SRRM1: variants seen among roughly 807,000 people sequenced by gnomAD.
SRRM1 encodes the protein serine/arginine repetitive matrix protein 1.
A neutral mutation model predicts 110.2 loss-of-function variants in SRRM1; 19 were observed. The ratio of observed to expected loss-of-function variants is 0.17; its 90% CI spans 0.12 to 0.25. The LOEUF (loss-of-function observed/expected upper bound fraction) is 0.25, where lower values mean the gene tolerates loss of function less well. Among genes scored for constraint, SRRM1 ranks in the 10% least tolerant of loss-of-function variants. The pLI is 1.00. For synonymous variants in SRRM1, 443 were observed against 414.9 expected (o/e 1.07, Z -0.82); for missense variants, 918 against 1,145.8 (o/e 0.80, Z 2.87).
At position 24,653,003 on chromosome 1, in the gene SRRM1, G is replaced by T; in HGVS notation, c.1011G>T (p.Arg337Ser). The change falls in exon 8 of 17, where the codon AGG becomes AGT. Residue 337 changes from arginine (R) to serine (S), a missense_variant. Around this residue, in one of 5 missense-constraint regions of SRRM1, gnomAD observed 456 missense variants for 453.5 expected, o/e 1.01. Transcript: ENST00000323848. ...CAAGAAGAATGCCTCCTCCACCAAGGCATAGAAGGAGTAGATCTCCAGTAA... is the reference window on the plus strand; with the variant it reads ...CAAGAAGAATGCCTCCTCCACCAAGTCATAGAAGGAGTAGATCTCCAGTAA... ...TPPRRMPPPP[R>S]HRRSRSPVRR... 6.2e-7 allele frequency: 1 copy of T among 1,613,746 alleles called. No individual in the cohort carries two copies. The highest frequency in any genetic ancestry group is 8.5e-7 in the Non-Finnish European group (1 of 1,179,802).
intron 8 of SRRM1, among the ~76,000 whole-genome samples, chr1:24,653,653 A>G (rs781673090): frequency 3.3e-5 from 5 of 152,194 alleles, no homozygotes; most frequent in Non-Finnish European, 7.3e-5. Context: ...ACATCATTCT[A>G]AAATGAGCAT....
intron 12 of SRRM1, among the ~76,000 whole-genome samples, chr1:24,663,960 TA>T (rs750188386): frequency 5.0e-4 from 74 of 148,492 alleles, no homozygotes; most frequent in Non-Finnish European, 9.7e-4. Flanking sequence ...GTCTTTCCAG[TA>T]CTAGAAAGGT....
intron 12 of SRRM1, among the ~76,000 whole-genome samples, chr1:24,663,878 AAAT>A (rs10555916): frequency 0.45 from 63,186 of 141,238 alleles, 14,613 homozygotes; most frequent in East Asian, 0.52. Flanking sequence ...TCCCTCTCAA[AAAT>A]AATAATAATA....
At chr1:24,661,031 G>A in intron 10 of SRRM1, 2 of 533,892 alleles carry the variant, frequency 3.7e-6, no homozygotes, top group South Asian at 6.0e-5. Flanking sequence ...TCCGAAATAG[G>A]GACAGTAGAG....
rs917982684 is a variant in SRRM1, at chr1:24,650,031, A to G, written c.466A>G (p.Lys156Glu). ...AGATGAAGACAAAGATAAAAGAGATAAGGAAGAAAAAGAAAGCAGCAGAGA... is the reference window on the plus strand; with the variant it reads ...AGATGAAGACAAAGATAAAAGAGATGAGGAAGAAAAAGAAAGCAGCAGAGA... Reference protein sequence around the residue: ...KQDEDKDKRDKEEKESSREKR... With the variant: ...KQDEDKDKRDEEEKESSREKR... Residue 156 changes from lysine (K) to glutamate (E), a missense_variant, in exon 5 of 17, where the codon AAG becomes GAG. Lys to Glu is a moderately conservative substitution (Grantham distance 56). Coordinates refer to ENST00000323848, the MANE Select transcript of SRRM1 (RefSeq NM_005839.4). The G allele has an allele frequency of 2.5e-6, 4 of 1,598,000 alleles. No individual in the cohort carries two copies. The highest frequency in any genetic ancestry group is 3.4e-6 in the Non-Finnish European group (4 of 1,171,960).
At chr1:24,663,837 A>G (rs1178970921) in intron 12 of SRRM1, among the ~76,000 whole-genome samples, 1 of 150,752 alleles carries the variant, frequency 6.6e-6, no homozygotes, top group Non-Finnish European at 1.5e-5. Context: ...AGATCACGCC[A>G]CTGTACTCCA....
intron 9 of SRRM1, among the ~76,000 whole-genome samples, chr1:24,658,295 C>T (rs1665343134): frequency 6.7e-6 from 1 of 150,210 alleles, no homozygotes; most frequent in Non-Finnish European, 1.5e-5. Flanking sequence ...ACTGCAACCT[C>T]TGCCTCCCAG....
Position 24,651,590 on chromosome 1 carries a change from G to C in SRRM1, c.703G>C (p.Val235Leu). The change falls in exon 6 of 17, where the codon GTA becomes CTA. Residue 235 changes from valine (V) to leucine (L), a missense_variant. Physicochemically the swap from Val to Leu is conservative, Grantham distance 32. Transcript: ENST00000323848. ...EPSVKVKEPS[V>L]QEATSTSDIL... ...TTCAGTGAAAGTAAAAGAACCTTCA[G>C]TACAAGAGGCTACTTCTACTAGGCA... 1.9e-6 allele frequency: 3 copies of C among 1,611,670 alleles called. No individual in the cohort carries two copies. The highest frequency in any genetic ancestry group is 2.5e-6 in the Non-Finnish European group (3 of 1,179,494).
In SRRM1 at chr1:24,660,708, T is replaced by C. The variant is rs750444658; in HGVS notation, c.1316-11T>C. On this transcript the variant is annotated splice_polypyrimidine_tract_variant and intron_variant, in intron 9 of 16. Coordinates refer to ENST00000323848, the MANE Select transcript of SRRM1 (RefSeq NM_005839.4). Reference sequence around the variant, plus strand: ...GTACGTAAGCTTTTTTCCACTCTTATTCTTTTTTAGTGACAAAACATAAAG... The same window carrying C: ...GTACGTAAGCTTTTTTCCACTCTTACTCTTTTTTAGTGACAAAACATAAAG... 4.5e-5 allele frequency: 68 copies of C among 1,520,622 alleles called. No individual in the cohort carries two copies. Among genetic ancestry groups the C allele is most frequent in the Non-Finnish European group, 5.7e-5 (64 of 1,129,156 alleles). The allele number at this position is 1,520,622 out of a possible 1,614,324, so 94.2% of individuals were successfully genotyped here. A position where few individuals can be genotyped will look rare whatever the true frequency, so the allele number is the denominator to read the frequency against.
chr1:24,663,009 A>G (rs563016421), intron 12 of SRRM1: 2 of 942,202 alleles, frequency 2.1e-6, no homozygotes, highest in South Asian at 1.9e-5. Context: ...TAAATTTTAA[A>G]CCACCATGTC....
intron 11 of SRRM1, among the ~76,000 whole-genome samples, chr1:24,661,769 A>G (rs754773390): frequency 6.6e-6 from 1 of 152,208 alleles, no homozygotes; most frequent in East Asian, 1.9e-4. Flanking sequence ...TTTTTAACTT[A>G]ACAGTATATT....
chr1:24,643,557 C>G, intron 1 of SRRM1: 3 of 436,022 alleles, frequency 6.9e-6, no homozygotes, highest in East Asian at 3.6e-5. Context: ...ATGGTCCCCC[C>G]TACGCGGCGG....
At chr1:24,661,606 T>C (rs573151438) in intron 11 of SRRM1, among the ~76,000 whole-genome samples, 5 of 152,294 alleles carry the variant, frequency 3.3e-5, no homozygotes, top group South Asian at 4.1e-4. Flanking sequence ...GTCCCTAGGA[T>C]ACAATAGTGA....
At chr1:24,647,749 T>C (rs1658403552) in intron 3 of SRRM1, 2 of 152,776 alleles carry the variant, frequency 1.3e-5, no homozygotes, top group South Asian at 4.1e-4. Flanking sequence ...TTGTTTTGAA[T>C]ATTTTTAAAG....
chr1:24,645,394 A>T (rs1430684278), intron 1 of SRRM1, among the ~76,000 whole-genome samples: 2 of 152,222 alleles, frequency 1.3e-5, no homozygotes, highest in African/African-American at 4.8e-5. Flanking sequence ...ATAATTAGTG[A>T]TCACTCGATG....
chr1:24,652,029 A>AAAATATAT (rs1387655792), intron 6 of SRRM1, among the ~76,000 whole-genome samples: 14 of 79,864 alleles, frequency 1.8e-4, no homozygotes, highest in African/African-American at 5.1e-4. Flanking sequence ...CTGTACTAAA[A>AAAATATAT]ATATATATAT....
In SRRM1 at chr1:24,643,335, G is replaced by C; in HGVS notation, c.9G>C (p.Ala3=). 6.4e-7 allele frequency: 1 copy of C among 1,555,528 alleles called. No homozygotes were observed. The highest frequency in any genetic ancestry group is 8.6e-7 in the Non-Finnish European group (1 of 1,156,092). The change falls in exon 1 of 17, where the codon GCG becomes GCC. Residue 3 remains alanine (A), a synonymous_variant. Coordinates refer to ENST00000323848, the MANE Select transcript of SRRM1 (RefSeq NM_005839.4). The stretch of plus-strand genomic sequence containing the variant: ...CCGAGCGAGGCGGCAAGATGGACGC[G>C]GGATTTTTCCGCGTAAGTAGAAGCG... MD[A]GFFRGTSAEQ...
chr1:24,651,646 C>T lies in SRRM1; in HGVS notation c.725+34C>T, dbSNP rs369694747. ...ATAAAAATTCATTTATAAATAATCA[C>T]AATTTTAGATTAATAGTGACTGCAA... is the stretch of plus-strand genomic sequence containing the variant. On this transcript the variant is annotated intron_variant, in intron 6 of 16. Coordinates refer to ENST00000323848, the MANE Select transcript of SRRM1 (RefSeq NM_005839.4). 43 of 1,494,110 alleles carry T rather than the reference C, an allele frequency of 2.9e-5. No individual in the cohort carries two copies. The African/African-American group carries it at 5.2e-4, about 18-fold the overall frequency. 92.6% of individuals were successfully genotyped at this position (1,494,110 alleles called of 1,614,324 possible). A position where few individuals can be genotyped will look rare whatever the true frequency, so the allele number is the denominator to read the frequency against.
At position 24,655,035 on chromosome 1, in the gene SRRM1, A is replaced by G. The variant is rs763547187; in HGVS notation, c.1221A>G (p.Pro407=). The change falls in exon 9 of 17, where the codon CCA becomes CCG. Residue 407 remains proline (P), a synonymous_variant. Transcript: ENST00000323848. ...ACAGGCCATCACCTCCTGCAACTCCACCACCCAAAACTCGGCATTCCCCTA... is the reference window on the plus strand; with the variant it reads ...ACAGGCCATCACCTCCTGCAACTCCGCCACCCAAAACTCGGCATTCCCCTA... The part of the protein sequence containing the change: ...RRHRPSPPAT[P]PPKTRHSPTP... The G allele has an allele frequency of 6.2e-6, 10 of 1,614,006 alleles. No individual in the cohort carries two copies. The highest frequency in any genetic ancestry group is 8.5e-7 in the Non-Finnish European group (1 of 1,180,042).
Sources: allele counts gnomAD v4.1 joint callset (sites outside exome capture counted in the v4.1 genomes callset), GRCh38; gene constraint gnomAD v4.1.1; regional missense constraint gnomAD v4.1.1; transcripts MANE v1.5; gene names NCBI Gene and HGNC (gene_info 2026-07-23, HGNC 2026-07-21).